EPB41L5: variants seen among roughly 807,000 people sequenced by gnomAD.
The protein encoded by EPB41L5 is erythrocyte membrane protein band 4.1 like 5, also known as band 4.1-like protein 5.
Under a neutral mutation model 106.6 loss-of-function variants are expected in EPB41L5, and 55 were observed. The ratio of observed to expected loss-of-function variants is 0.52; its 90% confidence interval spans 0.42 to 0.65. The LOEUF (loss-of-function observed/expected upper bound fraction) is 0.65, where lower values mean the gene tolerates loss of function less well. Among genes scored for constraint, EPB41L5 ranks in the 30% least tolerant of loss-of-function variants. The pLI is 0.00. For synonymous variants in EPB41L5, 297 were observed against 306.7 expected (o/e 0.97, Z 0.33); for missense variants, 871 against 882.1 (o/e 0.99, Z 0.16).
chr2:120,174,091 T>G (rs901414394), intron 24 of EPB41L5, among the ~76,000 whole-genome samples: 1 of 152,290 alleles, frequency 6.6e-6, no homozygotes, highest in African/African-American at 2.4e-5. Flanking sequence ...CCATGAGGGC[T>G]TCTTTTTCAC....
intron 21 of EPB41L5, among the ~76,000 whole-genome samples, chr2:120,162,711 A>T (rs1461920266): frequency 6.6e-6 from 1 of 152,212 alleles, no homozygotes; most frequent in African/African-American, 2.4e-5. Flanking sequence ...GTTAAGCATT[A>T]AAGATTCAAA....
chr2:120,059,570 A>G (rs1680886227), intron 3 of EPB41L5, among the ~76,000 whole-genome samples: 1 of 152,200 alleles, frequency 6.6e-6, no homozygotes, highest in Admixed American at 6.5e-5. Flanking sequence ...AAGTATTCGT[A>G]TATCACACAT....
chr2:120,139,716 G>A (rs1686087878), intron 18 of EPB41L5, among the ~76,000 whole-genome samples: 1 of 151,944 alleles, frequency 6.6e-6, no homozygotes, highest in South Asian at 2.1e-4. Flanking sequence ...AGGAACCCTT[G>A]TACACTGTTG....
At chr2:120,094,471 T>G (rs1201166900) in intron 14 of EPB41L5, among the ~76,000 whole-genome samples, 1 of 149,574 alleles carries the variant, frequency 6.7e-6, no homozygotes, top group African/African-American at 2.5e-5. Context: ...TTTGAGTTTT[T>G]TTTTTTCTTG....
chr2:120,083,820 C>G (rs1682865153), intron 10 of EPB41L5, among the ~76,000 whole-genome samples: 1 of 152,166 alleles, frequency 6.6e-6, no homozygotes, highest in Non-Finnish European at 1.5e-5. Context: ...ATAGTTAGCT[C>G]TTCTTGTTGA....
intron 17 of EPB41L5, among the ~76,000 whole-genome samples, chr2:120,130,661 G>A (rs1421868555): frequency 6.6e-6 from 1 of 152,190 alleles, no homozygotes; most frequent in Non-Finnish European, 1.5e-5. Context: ...AAATCACCTG[G>A]AGAGTTTTAA....
intron 2 of EPB41L5, among the ~76,000 whole-genome samples, chr2:120,027,515 G>T (rs1678407930): frequency 6.6e-6 from 1 of 152,210 alleles, no homozygotes; most frequent in African/African-American, 2.4e-5. Context: ...GCTTGCTTAG[G>T]GCAGCCTGAG....
chr2:120,108,602 C>T (rs1244321546), intron 16 of EPB41L5: 1 of 151,998 alleles, frequency 6.6e-6, no homozygotes, highest in East Asian at 1.9e-4. Context: ...CCTTGTGGAA[C>T]TAGTTAGAGG....
chr2:120,050,219 A>G (rs1680134163), intron 3 of EPB41L5, among the ~76,000 whole-genome samples: 1 of 152,082 alleles, frequency 6.6e-6, no homozygotes, highest in African/African-American at 2.4e-5. Context: ...CTGCCTCGCT[A>G]GGTTGGGGAA....
At chr2:120,146,726 G>A (rs1558905542) in intron 20 of EPB41L5, among the ~76,000 whole-genome samples, 1 of 152,122 alleles carries the variant, frequency 6.6e-6, no homozygotes, top group African/African-American at 2.4e-5. Context: ...CCTTTAATGA[G>A]TATTTTGGCA....
intron 9 of EPB41L5, among the ~76,000 whole-genome samples, chr2:120,077,964 G>GGA (rs144426684): frequency 6.6e-6 from 1 of 152,000 alleles, no homozygotes. Flanking sequence ...CTGGCAGGAG[G>GGA]GAGAGAGAGC....
chr2:120,173,604 G>A (rs1330544807), intron 24 of EPB41L5, among the ~76,000 whole-genome samples: 1 of 152,154 alleles, frequency 6.6e-6, no homozygotes, highest in South Asian at 2.1e-4. Context: ...AGGTGACTCT[G>A]TTTCATTTAT....
In EPB41L5 at chr2:120,115,811, CGTTAT is replaced by C. The variant is rs527403774; in HGVS notation, c.1338-11871_1338-11867del. Among the ~76,000 whole-genome samples, 8 of 151,508 alleles carry C rather than the reference CGTTAT, an allele frequency of 5.3e-5. No individual in the cohort carries two copies. In the South Asian group the frequency reaches 1.3e-3, roughly 24 times the overall value. On this transcript the variant is annotated intron_variant, in intron 16 of 24. Coordinates refer to ENST00000263713, the MANE Select transcript of EPB41L5 (RefSeq NM_020909.4). ...TGTTGTGTTATGTTACGTTACGTTA[CGTTAT>C]GTTATTTTTCGAGACAAGAGTCTTG... is the stretch of plus-strand genomic sequence containing the variant.
intron 3 of EPB41L5, among the ~76,000 whole-genome samples, chr2:120,050,611 C>T (rs985906621): frequency 6.6e-6 from 1 of 152,210 alleles, no homozygotes; most frequent in Non-Finnish European, 1.5e-5. Context: ...GAACATCCTC[C>T]TTTAGCTCGG....
At position 120,127,802 on chromosome 2, in the gene EPB41L5, T is replaced by C. The variant is rs1338440594; in HGVS notation, c.1452T>C (p.Asn484=). 6.2e-7 allele frequency: 1 copy of C among 1,613,266 alleles called. No homozygotes were observed. The change falls in exon 17 of 25, where the codon AAT becomes AAC. Residue 484 remains asparagine (N), a synonymous_variant. Transcript: ENST00000263713. The part of the protein sequence containing the change: ...METSQALNDV[N]VATRLPGLGE... ...CATCCCAAGCACTGAATGACGTTAA[T>C]GTAGCCACCAGGCTTCCGGGATTAG...
intron 20 of EPB41L5, among the ~76,000 whole-genome samples, chr2:120,155,205 T>G (rs374644275): frequency 6.6e-6 from 1 of 152,206 alleles, no homozygotes; most frequent in African/African-American, 2.4e-5. Context: ...TAAGAAACTT[T>G]CTTGGCTTTT....
At chr2:120,062,659 G>A (rs1212146446) in intron 3 of EPB41L5, among the ~76,000 whole-genome samples, 1 of 152,050 alleles carries the variant, frequency 6.6e-6, no homozygotes, top group African/African-American at 2.4e-5. Context: ...AGAAAATGCT[G>A]TATTATGAAT....
chr2:120,141,939 G>T (rs1686190101), intron 18 of EPB41L5, among the ~76,000 whole-genome samples: 1 of 151,962 alleles, frequency 6.6e-6, no homozygotes, highest in Non-Finnish European at 1.5e-5. Context: ...AAGTTTTCCA[G>T]TGTGTGATGT....
chr2:120,056,901 T>C (rs949241463), intron 3 of EPB41L5, among the ~76,000 whole-genome samples: 164 of 152,268 alleles, frequency 1.1e-3, no homozygotes, highest in African/African-American at 3.6e-3. Flanking sequence ...CAGATTTTCT[T>C]TTCTTTCCAT....
Sources: gnomAD v4.1 joint callset for allele counts (sites outside exome capture counted in the v4.1 genomes callset) on GRCh38, gnomAD v4.1.1 for gene constraint, MANE v1.5 for transcripts, NCBI Gene and HGNC (gene_info 2026-07-23, HGNC 2026-07-21) for gene names.